The following OSBP2 variants were observed in gnomAD, a reference collection of about 807,000 sequenced individuals.
OSBP2 encodes the protein oxysterol binding protein 2.
OSBP2 carries 66 observed loss-of-function variants against 96.0 expected under a neutral mutation model. The observed-to-expected ratio is 0.69, with a 90% CI of 0.56 to 0.84. OSBP2 has a LOEUF of 0.84. Among genes scored for constraint, OSBP2 ranks in the 40% least tolerant of loss-of-function variants. The pLI is 0.00. For missense variants in OSBP2, 1,038 were observed against 1,222.7 expected (o/e 0.85, Z 2.25); for synonymous variants, 525 against 520.9 (o/e 1.01, Z -0.11).
chr22:30,859,871 C>T (rs1047338168), intron 2 of OSBP2, among the ~76,000 whole-genome samples: 14 of 152,196 alleles, frequency 9.2e-5, no homozygotes, highest in African/African-American at 3.4e-4. Context: ...CCTTTGGTTA[C>T]CCAGGAGGCA....
At chr22:30,782,699 C>T (rs1432474011) in intron 2 of OSBP2, among the ~76,000 whole-genome samples, 7 of 152,146 alleles carry the variant, frequency 4.6e-5, no homozygotes, top group African/African-American at 4.8e-5. Context: ...TTTCCAGGTT[C>T]GGCCATAACA....
intron 2 of OSBP2, among the ~76,000 whole-genome samples, chr22:30,792,499 T>C (rs1040438039): frequency 3.9e-5 from 6 of 152,180 alleles, no homozygotes; most frequent in African/African-American, 1.2e-4. Flanking sequence ...AGTTTGCATT[T>C]ATACTTTTTA....
chr22:30,747,520 A>T (rs1165799435), intron 2 of OSBP2, among the ~76,000 whole-genome samples: 1 of 152,198 alleles, frequency 6.6e-6, no homozygotes, highest in Non-Finnish European at 1.5e-5. Context: ...TTCAAATGGT[A>T]AACATTATGT....
Position 30,893,459 on chromosome 22 carries a change from C to A in OSBP2, c.1991-4C>A, listed in dbSNP as rs369583011. ...ATGACCTCTGACCTGTCCCCTGCCT[C>A]CAGGTGCCATCCACTTAGAATTCCA... is the stretch of plus-strand genomic sequence containing the variant. On this transcript the variant is annotated splice_region_variant and splice_polypyrimidine_tract_variant and intron_variant, in intron 9 of 13. Coordinates refer to ENST00000332585, the MANE Select transcript of OSBP2 (RefSeq NM_030758.4). The A allele has an allele frequency of 2.9e-5, 47 of 1,612,798 alleles. No individual in the cohort carries two copies. The highest frequency in any genetic ancestry group is 1.6e-4 in the Middle Eastern group (1 of 6,084).
chr22:30,759,364 G>A (rs898901758), intron 2 of OSBP2, among the ~76,000 whole-genome samples: 2 of 152,050 alleles, frequency 1.3e-5, no homozygotes, highest in Non-Finnish European at 2.9e-5. Flanking sequence ...TACTGCAAAG[G>A]CTTTGAAAAT....
At chr22:30,833,267 C>T (rs1047889301) in intron 2 of OSBP2, among the ~76,000 whole-genome samples, 1 of 152,188 alleles carries the variant, frequency 6.6e-6, no homozygotes, top group African/African-American at 2.4e-5. Context: ...AATCCCAAAT[C>T]ATCACCGTTT....
intron 1 of OSBP2, among the ~76,000 whole-genome samples, chr22:30,740,127 G>C (rs1031839220): frequency 2.0e-5 from 3 of 152,154 alleles, no homozygotes; most frequent in Non-Finnish European, 4.4e-5. Context: ...TTAAAGGTGT[G>C]AGCCACCGCG....
rs919126483 is a variant in OSBP2 at position 30,787,077 on chromosome 22, C to T, written c.853+45708C>T. Among the ~76,000 whole-genome samples the T allele has an allele frequency of 1.7e-4, 26 of 152,224 alleles. 4 individuals carry two copies. The highest frequency in any genetic ancestry group is 1.5e-3 in the Admixed American group (23 of 15,270). On this transcript the variant is annotated intron_variant, in intron 2 of 13. Coordinates refer to ENST00000332585, the MANE Select transcript of OSBP2 (RefSeq NM_030758.4). ...CCTCCCAAAGTGCTGGGATTACAGG[C>T]GTGAGCGACTGTGCCCGGTCAGGAA...
chr22:30,765,743 T>G (rs2090262453), intron 2 of OSBP2, among the ~76,000 whole-genome samples: 1 of 152,114 alleles, frequency 6.6e-6, no homozygotes. Flanking sequence ...GTGTAGGGCC[T>G]TATTGTTCAT....
At chr22:30,897,774 A>C (rs547623773) in intron 12 of OSBP2, among the ~76,000 whole-genome samples, 1 of 152,192 alleles carries the variant, frequency 6.6e-6, no homozygotes, top group East Asian at 1.9e-4. Flanking sequence ...ACATGGTGAA[A>C]CCCTGTTTCT....
chr22:30,795,363 C>T (rs954363254), intron 2 of OSBP2, among the ~76,000 whole-genome samples: 3 of 152,160 alleles, frequency 2.0e-5, no homozygotes, highest in Middle Eastern at 3.4e-3. Flanking sequence ...ACCTTTATTT[C>T]GTCCAAAACT....
At chr22:30,775,993 G>C (rs2090429757) in intron 2 of OSBP2, among the ~76,000 whole-genome samples, 1 of 151,630 alleles carries the variant, frequency 6.6e-6, no homozygotes, top group Non-Finnish European at 1.5e-5. Flanking sequence ...ATGGGGTTTT[G>C]CCATGTTGTC....
At chr22:30,725,757 C>G (rs904882791) in intron 1 of OSBP2, among the ~76,000 whole-genome samples, 4 of 150,986 alleles carry the variant, frequency 2.6e-5, no homozygotes, top group Non-Finnish European at 5.9e-5. Flanking sequence ...GTCTGCTTTT[C>G]TAATTTATGG....
chr22:30,818,652 T>C (rs897486729), intron 2 of OSBP2, among the ~76,000 whole-genome samples: 2 of 152,186 alleles, frequency 1.3e-5, no homozygotes, highest in Non-Finnish European at 2.9e-5. Flanking sequence ...ATATGAATAT[T>C]ATTTGTTGAA....
intron 2 of OSBP2, among the ~76,000 whole-genome samples, chr22:30,784,549 G>A (rs9621096): frequency 0.044 from 6,689 of 152,118 alleles, 250 homozygotes; most frequent in African/African-American, 0.11. Context: ...ATGAGTCACC[G>A]TGCCCAGTTG....
chr22:30,886,472 AAG>A (rs1263072019), intron 3 of OSBP2, among the ~76,000 whole-genome samples: 2 of 150,792 alleles, frequency 1.3e-5, no homozygotes, highest in Non-Finnish European at 3.0e-5. Context: ...AAAAGGTGCT[AAG>A]ACTCTTACTT....
chr22:30,724,747 C>A (rs1338527107), intron 1 of OSBP2, among the ~76,000 whole-genome samples: 3 of 152,182 alleles, frequency 2.0e-5, no homozygotes, highest in Non-Finnish European at 2.9e-5. Context: ...CAGTCCAGGT[C>A]CGTGTCTCAT....
chr22:30,861,379 CAGAG>C (rs1363441763), intron 2 of OSBP2, among the ~76,000 whole-genome samples: 1 of 152,166 alleles, frequency 6.6e-6, no homozygotes, highest in Non-Finnish European at 1.5e-5. Flanking sequence ...GAGAAGTTGT[CAGAG>C]AGCCCAGATG....
chr22:30,728,916 A>G (rs1000705261), intron 1 of OSBP2, among the ~76,000 whole-genome samples: 6 of 152,198 alleles, frequency 3.9e-5, no homozygotes, highest in Admixed American at 3.9e-4. Flanking sequence ...ATGGACCTGC[A>G]AGTTGTTTTC....
Sources: allele counts gnomAD v4.1 joint callset (sites outside exome capture counted in the v4.1 genomes callset), GRCh38; gene constraint gnomAD v4.1.1; transcripts MANE v1.5; gene names NCBI Gene and HGNC (gene_info 2026-07-23, HGNC 2026-07-21).